The following ATP11A variants were observed in gnomAD, a reference collection of about 807,000 sequenced individuals.
ATP11A encodes ATPase phospholipid transporting 11A, also known as phospholipid-transporting ATPase IH.
In ATP11A, 81 loss-of-function variants were observed where a neutral mutation model predicts 154.4. The observed-to-expected ratio is 0.52, with a 90% confidence interval of 0.44 to 0.63. The LOEUF (loss-of-function observed/expected upper bound fraction) is 0.63. ATP11A is among the 30% of genes least tolerant of loss of function. ATP11A has a pLI of 0.00. For missense variants in ATP11A, 1,316 were observed against 1,474.3 expected, an observed-to-expected ratio of 0.89 and a Z score of 1.76; for synonymous variants, 623 against 585.9, an observed-to-expected ratio of 1.06 and a Z score of -0.91.
chr13:112,777,026 T>C (rs867067774), intron 1 of ATP11A, among the ~76,000 whole-genome samples: 1 of 152,188 alleles, frequency 6.6e-6, no homozygotes, highest in African/African-American at 2.4e-5. Flanking sequence ...CTTGAGCCTC[T>C]CTGCACCGCG....
intron 12 of ATP11A, among the ~76,000 whole-genome samples, chr13:112,827,140 T>A (rs1314470473): frequency 1.3e-5 from 2 of 152,236 alleles, no homozygotes; most frequent in Non-Finnish European, 2.9e-5. Context: ...GAACTCTTTC[T>A]GTGTGCAGGT....
At chr13:112,835,239 C>G (rs2079200189) in intron 15 of ATP11A, among the ~76,000 whole-genome samples, 1 of 152,206 alleles carries the variant, frequency 6.6e-6, no homozygotes, top group African/African-American at 2.4e-5. Context: ...ATAAGTGACC[C>G]ATCTTGAGAT....
At chr13:112,786,917 CGGTGTCCTG>C (rs1566479921) in intron 2 of ATP11A, among the ~76,000 whole-genome samples, 9 of 146,238 alleles carry the variant, frequency 6.2e-5, no homozygotes, top group African/African-American at 2.1e-4. Flanking sequence ...TAATTCACAC[CGGTGTCCTG>C]ACGTGTAGAC....
intron 1 of ATP11A, among the ~76,000 whole-genome samples, chr13:112,766,184 G>A (rs1043589219): frequency 2.6e-5 from 4 of 152,160 alleles, no homozygotes; most frequent in Admixed American, 6.5e-5. Flanking sequence ...TTATTCTTCC[G>A]ACGAGGCAAT....
chr13:112,739,599 C>T (rs1260044428), intron 1 of ATP11A, among the ~76,000 whole-genome samples: 1 of 152,222 alleles, frequency 6.6e-6, no homozygotes, highest in Non-Finnish European at 1.5e-5. Context: ...TACCAATATG[C>T]CCTGCAATTC....
chr13:112,842,863 A>G (rs958300178), intron 17 of ATP11A, among the ~76,000 whole-genome samples: 1 of 152,242 alleles, frequency 6.6e-6, no homozygotes, highest in Non-Finnish European at 1.5e-5. Context: ...CTTGTTGTAT[A>G]GCACCGCCCA....
intron 1 of ATP11A, among the ~76,000 whole-genome samples, chr13:112,714,656 G>C (rs1170581814): frequency 2.0e-5 from 3 of 152,240 alleles, no homozygotes; most frequent in Non-Finnish European, 4.4e-5. Context: ...GCAAGAGAAT[G>C]TGAAGGTGAA....
At chr13:112,862,622 G>T (rs765122277) in intron 25 of ATP11A, 47 bp downstream of exon 25, 4 of 1,611,346 alleles carry the variant, frequency 2.5e-6, no homozygotes, top group East Asian at 2.2e-5. Context: ...TAGGAATAAA[G>T]CCTCCCAAGC....
chr13:112,698,944 T>C (rs982891293), intron 1 of ATP11A, among the ~76,000 whole-genome samples: 1 of 152,180 alleles, frequency 6.6e-6, no homozygotes, highest in African/African-American at 2.4e-5. Context: ...GCAAGGCTGG[T>C]CTCGAACTCC....
rs770239809 is a variant in ATP11A, at chr13:112,862,571, G to A, written c.2987G>A (p.Gly996Glu). The A allele has an allele frequency of 6.2e-7, 1 of 1,614,180 alleles. No homozygotes were observed. Among genetic ancestry groups the A allele is most frequent in the Non-Finnish European group, 8.5e-7 (1 of 1,180,022 alleles). Residue 996 changes from glycine to glutamate, a missense_variant, in exon 25 of 30, where the codon GGG (glycine) becomes GAG (glutamate). By Grantham distance (98) the Gly-to-Glu change is moderately conservative. Coordinates refer to ENST00000375645, the MANE Select transcript of ATP11A (RefSeq NM_015205.3). ...GAAAATACAACTGTGACAAGCAACG[G>A]GCAGGTCAGTACAGAGCTCGATTGC... ...VFENTTVTSNGQIFGNWTFGT... is the reference protein window; with the variant it reads ...VFENTTVTSNEQIFGNWTFGT...
At chr13:112,761,031 C>T (rs370512472) in intron 1 of ATP11A, among the ~76,000 whole-genome samples, 9 of 152,160 alleles carry the variant, frequency 5.9e-5, no homozygotes, top group East Asian at 1.9e-4. Context: ...TTCTGGGGAG[C>T]GTGGTGAAAC....
chr13:112,857,985 C>T lies in ATP11A; in HGVS notation c.2521+65C>T, dbSNP rs1285585962. 4.4e-6 allele frequency: 7 copies of T among 1,584,418 alleles called. No homozygotes were observed. The Admixed American group carries it at 5.0e-5, about 11-fold the overall frequency. On this transcript the variant is annotated intron_variant, in intron 21 of 29. Transcript: ENST00000375645. ...GGTCACCCCTTCGCTAGACAAAGGC[C>T]CATGGCAGCACGCAGGTGCATTCAG... is the stretch of plus-strand genomic sequence containing the variant.
At chr13:112,878,145 G>C in intron 28 of ATP11A, 72 bp from the exon 29 acceptor site, 1 of 1,406,152 alleles carries the variant, frequency 7.1e-7, no homozygotes, top group Non-Finnish European at 1.0e-6. Flanking sequence ...TCCGTCTTCC[G>C]ACCGCTTTGC....
At chr13:112,756,018 G>A (rs994462282) in intron 1 of ATP11A, among the ~76,000 whole-genome samples, 9 of 151,994 alleles carry the variant, frequency 5.9e-5, no homozygotes, top group Non-Finnish European at 1.3e-4. Context: ...ACTCAGAGCG[G>A]CTCCCAGAAC....
chr13:112,752,426 A>G (rs901989342), intron 1 of ATP11A, among the ~76,000 whole-genome samples: 3 of 152,164 alleles, frequency 2.0e-5, no homozygotes, highest in Non-Finnish European at 2.9e-5. Flanking sequence ...GCAGCTCAGG[A>G]GAATCCTCCC....
intron 1 of ATP11A, among the ~76,000 whole-genome samples, chr13:112,734,709 ACT>A (rs1433334424): frequency 6.6e-6 from 1 of 152,180 alleles, no homozygotes; most frequent in Non-Finnish European, 1.5e-5. Context: ...TTTCAGTGAT[ACT>A]GTTTTTCTCG....
intron 1 of ATP11A, among the ~76,000 whole-genome samples, chr13:112,783,632 T>C (rs2077552700): frequency 6.6e-6 from 1 of 152,236 alleles, no homozygotes; most frequent in Admixed American, 6.5e-5. Flanking sequence ...GTGTTTCTCA[T>C]GCCCCAGAAA....
rs191808979 is a variant in ATP11A at position 112,866,015 on chromosome 13, C to T, written c.2991+3440C>T. 1.1e-3 allele frequency among the ~76,000 whole-genome samples: 173 copies of T among 152,358 alleles called. 1 individual carries two copies. Among genetic ancestry groups the T allele is most frequent in the Middle Eastern group, 3.4e-3 (1 of 294 alleles). ...CCCGAGTACCATACTTAGTCGTCTTCCTCTGTGATGAGTAGATTTGTAGTT... is the reference window on the plus strand; with the variant it reads ...CCCGAGTACCATACTTAGTCGTCTTTCTCTGTGATGAGTAGATTTGTAGTT... On this transcript the variant is annotated intron_variant, in intron 25 of 29. Transcript: ENST00000375645.
Position 112,696,737 on chromosome 13 carries a change from C to T in ATP11A, c.39+6282C>T, listed in dbSNP as rs1161170051. On this transcript the variant is annotated intron_variant, in intron 1 of 29. Transcript: ENST00000375645. This position sits in a 1 kb window ranked among gnomAD's most constrained non-coding sequence, Gnocchi z 6.2. ...CCAGGCCCACCTCCCTCGGGCCCCT[C>T]TCTGCCCTTGCCCTCCACCTCAGCG... 3 of 152,454 alleles carry T rather than the reference C, an allele frequency of 2.0e-5. No homozygotes were observed. The East Asian group carries it at 5.8e-4, about 30-fold the overall frequency. The allele number at this position is 152,454 out of a possible 1,614,324, so 9.4% of individuals were successfully genotyped here.
Sources: allele counts gnomAD v4.1 joint callset (sites outside exome capture counted in the v4.1 genomes callset), GRCh38; gene constraint gnomAD v4.1.1; non-coding constraint Gnocchi (gnomAD v3.1); transcripts MANE v1.5; gene names NCBI Gene and HGNC (gene_info 2026-07-23, HGNC 2026-07-21).